The following PSD3 variants were observed in gnomAD, a reference collection of about 807,000 sequenced individuals.
The protein encoded by PSD3 is pleckstrin and Sec7 domain containing 3, also known as PH and SEC7 domain-containing protein 3.
Under a neutral mutation model 105.5 loss-of-function variants are expected in PSD3, and 49 were observed. The ratio of observed to expected loss-of-function variants is 0.46; its 90% confidence interval spans 0.37 to 0.59. The LOEUF (loss-of-function observed/expected upper bound fraction) is 0.59. Among genes scored for constraint, PSD3 ranks in the 20% least tolerant of loss-of-function variants. The pLI is 0.00. For synonymous variants in PSD3, 557 were observed against 457.8 expected (o/e 1.22, Z -2.77); for missense variants, 1,561 against 1,263.8 (o/e 1.24, Z -3.57).
At chr8:18,948,431 C>T (rs758120758) in intron 1 of PSD3, among the ~76,000 whole-genome samples, 1 of 152,118 alleles carries the variant, frequency 6.6e-6, no homozygotes, top group Non-Finnish European at 1.5e-5. Flanking sequence ...CCAGCATAAT[C>T]AGGATCCCTA....
At chr8:18,903,670 C>A (rs1243948289) in intron 2 of PSD3, among the ~76,000 whole-genome samples, 2 of 152,142 alleles carry the variant, frequency 1.3e-5, no homozygotes, top group Admixed American at 6.5e-5. Flanking sequence ...GGCACTGATA[C>A]CCCAGGGACC....
At chr8:18,824,740 G>C (rs1813037768) in intron 4 of PSD3, among the ~76,000 whole-genome samples, 1 of 152,170 alleles carries the variant, frequency 6.6e-6, no homozygotes, top group Non-Finnish European at 1.5e-5. Flanking sequence ...CAGAGATCAA[G>C]ATGGCTTTGT....
intron 2 of PSD3, among the ~76,000 whole-genome samples, chr8:18,934,703 G>A (rs766493910): frequency 2.0e-5 from 3 of 152,068 alleles, no homozygotes; most frequent in Non-Finnish European, 2.9e-5. Context: ...AAACTGAGCC[G>A]CAAATAAGTT....
chr8:18,564,869 G>T (rs1258263939), intron 14 of PSD3, among the ~76,000 whole-genome samples: 1 of 152,074 alleles, frequency 6.6e-6, no homozygotes, highest in Non-Finnish European at 1.5e-5. Flanking sequence ...TCAAGCATAG[G>T]ACTGCTTTGC....
At chr8:18,788,299 G>A (rs1389185617) in intron 8 of PSD3, among the ~76,000 whole-genome samples, 1 of 152,172 alleles carries the variant, frequency 6.6e-6, no homozygotes, top group African/African-American at 2.4e-5. Context: ...TTGCAATAAC[G>A]AGAGCAAAGG....
In PSD3 at chr8:18,692,272, T is replaced by C. The variant is rs1294457734; in HGVS notation, c.2173-36587A>G. ...TGACACTGAGATAGACATTAATCAA[T>C]CAATAAGTAATAATCAAATAATACC... On this transcript the variant is annotated intron_variant, in intron 9 of 15. Coordinates refer to ENST00000327040, the MANE Select transcript of PSD3 (RefSeq NM_015310.4). 2.0e-5 allele frequency among the ~76,000 whole-genome samples: 3 copies of C among 152,168 alleles called. No individual in the cohort carries two copies. The East Asian group carries it at 5.8e-4, about 29-fold the overall frequency.
intron 9 of PSD3, among the ~76,000 whole-genome samples, chr8:18,686,116 G>A (rs777787821): frequency 1.3e-5 from 2 of 152,154 alleles, no homozygotes; most frequent in Admixed American, 1.3e-4. Context: ...TCATTTCTGG[G>A]AGGTTTAGCA....
chr8:18,660,199 A>G (rs902107072), intron 9 of PSD3, among the ~76,000 whole-genome samples: 1 of 152,262 alleles, frequency 6.6e-6, no homozygotes, highest in Non-Finnish European at 1.5e-5. Flanking sequence ...GCAGACGGAG[A>G]TTTAAGAAAG....
intron 1 of PSD3, among the ~76,000 whole-genome samples, chr8:18,987,694 C>T (rs1376099497): frequency 6.6e-6 from 1 of 152,058 alleles, no homozygotes; most frequent in East Asian, 1.9e-4. Flanking sequence ...GTGGCACGTG[C>T]TATAGTCCTA....
At chr8:18,965,594 T>G (rs765761405) in intron 1 of PSD3, among the ~76,000 whole-genome samples, 5 of 152,180 alleles carry the variant, frequency 3.3e-5, no homozygotes, top group Non-Finnish European at 5.9e-5. Flanking sequence ...AGCCTAGAGT[T>G]ATTGAAAAAG....
chr8:19,072,565 T>C (rs1436664653), intron 1 of PSD3, among the ~76,000 whole-genome samples: 1 of 152,092 alleles, frequency 6.6e-6, no homozygotes, highest in Non-Finnish European at 1.5e-5. Context: ...GAGAGGTGGG[T>C]AAGAAAAATC....
intron 1 of PSD3, among the ~76,000 whole-genome samples, chr8:19,002,317 G>A (rs1194160033): frequency 1.3e-5 from 2 of 151,996 alleles, no homozygotes; most frequent in South Asian, 2.1e-4. Context: ...TGGTGTTCTA[G>A]GGTGTGTAAC....
intron 1 of PSD3, among the ~76,000 whole-genome samples, chr8:19,006,249 C>T (rs940072418): frequency 5.4e-5 from 8 of 148,222 alleles, no homozygotes; most frequent in African/African-American, 7.5e-5. Flanking sequence ...GCCGAGATCA[C>T]GCCATTGCAC....
chr8:18,629,310 A>G (rs1265436410), intron 11 of PSD3, among the ~76,000 whole-genome samples: 1 of 152,010 alleles, frequency 6.6e-6, no homozygotes, highest in Non-Finnish European at 1.5e-5. Flanking sequence ...AGTTAAAGAT[A>G]TATTTAGCAT....
chr8:19,024,630 G>A (rs772811522), intron 1 of PSD3, among the ~76,000 whole-genome samples: 1 of 152,180 alleles, frequency 6.6e-6, no homozygotes, highest in Non-Finnish European at 1.5e-5. Flanking sequence ...ACTGCCCAAG[G>A]ATGGAGTTGG....
At chr8:18,564,151 T>G (rs1801582406) in intron 14 of PSD3, among the ~76,000 whole-genome samples, 1 of 152,152 alleles carries the variant, frequency 6.6e-6, no homozygotes, top group Admixed American at 6.5e-5. Flanking sequence ...ATGTTAAGGT[T>G]TACTAATATT....
chr8:18,654,190 T>A (rs913316702), intron 10 of PSD3, among the ~76,000 whole-genome samples: 1 of 152,124 alleles, frequency 6.6e-6, no homozygotes, highest in African/African-American at 2.4e-5. Context: ...CTCCCTAACT[T>A]GCAATAGGAC....
intron 1 of PSD3, among the ~76,000 whole-genome samples, chr8:19,070,716 A>G (rs1472833): frequency 0.29 from 44,351 of 151,878 alleles, 6,861 homozygotes; most frequent in South Asian, 0.36. Flanking sequence ...AAGCACTACT[A>G]TTTTCTTTCA....
chr8:18,871,897 C>T lies in PSD3; in HGVS notation c.967G>A (p.Glu323Lys), dbSNP rs763317190. ...KRETQHPIDFETSLQRTASPD... is the reference protein window; with the variant it reads ...KRETQHPIDFKTSLQRTASPD... ...GAGGCTGTTCTTTGCAGTGATGTCT[C>T]AAAATCTATAGGATGCTGGGTCTCT... Residue 323 changes from glutamate (E) to lysine (K), a missense_variant, in exon 3 of 16, where the codon GAG (glutamate) becomes AAG (lysine). Coordinates refer to ENST00000327040, the MANE Select transcript of PSD3 (RefSeq NM_015310.4). The T allele has an allele frequency of 1.2e-6, 2 of 1,614,206 alleles. No individual in the cohort carries two copies. Among genetic ancestry groups the T allele is most frequent in the Non-Finnish European group, 1.7e-6 (2 of 1,180,032 alleles).
Sources: allele counts gnomAD v4.1 joint callset (sites outside exome capture counted in the v4.1 genomes callset), GRCh38; gene constraint gnomAD v4.1.1; transcripts MANE v1.5; gene names NCBI Gene and HGNC (gene_info 2026-07-23, HGNC 2026-07-21).